Variants in SPAG17 observed in about 807,000 individuals in gnomAD.
SPAG17 encodes the protein sperm-associated antigen 17.
Under a neutral mutation model 273.6 loss-of-function variants are expected in SPAG17, and 169 were observed. The observed-to-expected ratio is 0.62, with a 90% CI of 0.55 to 0.70. The LOEUF (loss-of-function observed/expected upper bound fraction) is 0.70, where lower values mean the gene tolerates loss of function less well. Ranked by LOEUF, SPAG17 falls within the 30% of genes least tolerant of loss-of-function variation. The probability of loss-of-function intolerance (pLI) is 0.00; values close to 1 mark genes in which losing one functional copy is unlikely to be tolerated. For missense variants in SPAG17, 2,557 were observed against 2,627.8 expected, an observed-to-expected ratio of 0.97 and a Z score of 0.59; for synonymous variants, 825 against 873.2, an observed-to-expected ratio of 0.94 and a Z score of 0.97.
intron 29 of SPAG17, among the ~76,000 whole-genome samples, chr1:118,015,302 C>G (rs1659854849): frequency 1.3e-5 from 2 of 150,932 alleles, no homozygotes; most frequent in Non-Finnish European, 2.9e-5. Flanking sequence ...TCCTGGCACA[C>G]AGAAAGTGCT....
chr1:118,107,932 G>A (rs1656505885), intron 4 of SPAG17, among the ~76,000 whole-genome samples: 1 of 152,106 alleles, frequency 6.6e-6, no homozygotes, highest in Non-Finnish European at 1.5e-5. Flanking sequence ...TCTTCAGTTG[G>A]TAGAATATGT....
At chr1:118,180,032 G>A (rs1011722916) in intron 1 of SPAG17, among the ~76,000 whole-genome samples, 1 of 151,976 alleles carries the variant, frequency 6.6e-6, no homozygotes, top group Non-Finnish European at 1.5e-5. Context: ...AAAACTGTAG[G>A]GAGATTCCTC....
intron 3 of SPAG17, among the ~76,000 whole-genome samples, chr1:118,118,788 A>G (rs1329146451): frequency 6.6e-6 from 1 of 152,202 alleles, no homozygotes; most frequent in Non-Finnish European, 1.5e-5. Flanking sequence ...TTGTGTGAAG[A>G]TATTTAAGGG....
chr1:118,049,570 T>A (rs893246798), intron 20 of SPAG17, among the ~76,000 whole-genome samples: 9 of 152,070 alleles, frequency 5.9e-5, no homozygotes, highest in Admixed American at 5.2e-4. Flanking sequence ...AGGAAATGTA[T>A]CTCAACACAA....
At chr1:118,153,855 GA>G (rs1399058425) in intron 1 of SPAG17, among the ~76,000 whole-genome samples, 1 of 150,240 alleles carries the variant, frequency 6.7e-6, no homozygotes, top group African/African-American at 2.5e-5. Context: ...AAAGAAAAAA[GA>G]AAAAGAAAAA....
chr1:118,167,232 C>T (rs1660212740), intron 1 of SPAG17, among the ~76,000 whole-genome samples: 1 of 151,988 alleles, frequency 6.6e-6, no homozygotes, highest in African/African-American at 2.4e-5. Context: ...AGTGTTTTGC[C>T]GTTCAGCTCC....
chr1:118,047,062 T>TA (rs1389343625), intron 20 of SPAG17, among the ~76,000 whole-genome samples: 1 of 152,246 alleles, frequency 6.6e-6, no homozygotes, highest in African/African-American at 2.4e-5. Context: ...AGAAACACAC[T>TA]AAAAATATAG....
intron 28 of SPAG17, among the ~76,000 whole-genome samples, chr1:118,017,690 T>C (rs1042568130): frequency 6.6e-6 from 1 of 151,968 alleles, no homozygotes; most frequent in Admixed American, 6.6e-5. Context: ...GAAATTCAAG[T>C]TGGCAGAAGA....
chr1:118,029,418 G>A (rs1648165933), intron 25 of SPAG17, among the ~76,000 whole-genome samples: 1 of 152,078 alleles, frequency 6.6e-6, no homozygotes, highest in South Asian at 2.1e-4. Flanking sequence ...AAAAGTGTGT[G>A]AGAGACCAAC....
At chr1:118,136,795 G>GTGTA (rs1314012141) in intron 3 of SPAG17, among the ~76,000 whole-genome samples, 26 of 97,992 alleles carry the variant, frequency 2.7e-4, no homozygotes, top group African/African-American at 9.2e-4. Flanking sequence ...AAGTGTGTGT[G>GTGTA]TGTGTATGTG....
intron 3 of SPAG17, among the ~76,000 whole-genome samples, chr1:118,125,903 G>A (rs1657694046): frequency 6.6e-6 from 1 of 152,008 alleles, no homozygotes; most frequent in South Asian, 2.1e-4. Flanking sequence ...GGGGAATGGT[G>A]GATCATATAG....
At chr1:117,999,108 T>C (rs1048115514) in intron 32 of SPAG17, among the ~76,000 whole-genome samples, 3 of 152,092 alleles carry the variant, frequency 2.0e-5, no homozygotes, top group Non-Finnish European at 2.9e-5. Flanking sequence ...GTGACAGTTT[T>C]CTGAGAATGA....
At chr1:118,093,121 A>T in intron 8 of SPAG17, 35 bp downstream of exon 8, 2 of 1,577,654 alleles carry the variant, frequency 1.3e-6, no homozygotes, top group Non-Finnish European at 1.7e-6. Flanking sequence ...TCAGTGAATC[A>T]TTCATCCCAC....
rs1437427926 is a variant in SPAG17 at position 117,996,492 on chromosome 1, A to C, written c.4931T>G (p.Val1644Gly). Residue 1644 changes from valine (V) to glycine (G), a missense_variant, in exon 34 of 49, where the codon GTT becomes GGT. Coordinates refer to ENST00000336338, the MANE Select transcript of SPAG17 (RefSeq NM_206996.4). The stretch of plus-strand genomic sequence containing the variant: ...CATTCCTGATCCATCAGCATACATA[A>C]CAAAAAACCTATTTGAAGAAATAAA... ...IYGEHVPRFFVMYADGSGMEL... is the reference protein window; with the variant it reads ...IYGEHVPRFFGMYADGSGMEL... The C allele has an allele frequency of 6.2e-6, 10 of 1,610,790 alleles. No homozygotes were observed. The highest frequency in any genetic ancestry group is 7.6e-6 in the Non-Finnish European group (9 of 1,178,824).
At chr1:117,977,928 C>A (rs1230711525) in intron 43 of SPAG17, among the ~76,000 whole-genome samples, 1 of 152,140 alleles carries the variant, frequency 6.6e-6, no homozygotes, top group African/African-American at 2.4e-5. Flanking sequence ...ATGATCCATC[C>A]AACACCCTGT....
intron 18 of SPAG17, among the ~76,000 whole-genome samples, chr1:118,061,597 A>G (rs1652300776): frequency 6.6e-6 from 1 of 152,198 alleles, no homozygotes. Context: ...ACTTGAAGAT[A>G]TGTTAAAAGA....
chr1:118,085,979 A>G lies in SPAG17; in HGVS notation c.1705T>C (p.Trp569Arg), dbSNP rs758777914. 6 of 1,613,582 alleles carry G rather than the reference A, an allele frequency of 3.7e-6. No individual in the cohort carries two copies. The highest frequency in any genetic ancestry group is 5.1e-6 in the Non-Finnish European group (6 of 1,179,848). ...GTAGCTAGACGTTTAGTGTTGTTCC[A>G]TGGTGGGGGTAGAGGGAATTGAAGA... is the stretch of plus-strand genomic sequence containing the variant. ...EFLQFPLPPP[W>R]NNTKRLATIH... Residue 569 changes from tryptophan to arginine, a missense_variant, in exon 13 of 49, where the codon TGG becomes CGG. Transcript: ENST00000336338.
intron 3 of SPAG17, among the ~76,000 whole-genome samples, chr1:118,145,905 T>A (rs949673840): frequency 2.2e-4 from 34 of 152,186 alleles, no homozygotes; most frequent in African/African-American, 8.0e-4. Context: ...TCATTTTTTT[T>A]ATTTTTCATT....
At position 118,170,646 on chromosome 1, in the gene SPAG17, GTC is replaced by G. The variant is rs1269113451; in HGVS notation, c.87+14423_87+14424del. Reference sequence around the variant, plus strand: ...GCAAGCTTTTGACGTGGATATTATTGTCTCTATCTGACAAAAGGAGAATAAAT... The same window carrying G: ...GCAAGCTTTTGACGTGGATATTATTGTCTATCTGACAAAAGGAGAATAAAT... On this transcript the variant is annotated intron_variant, in intron 1 of 48. Coordinates refer to ENST00000336338, the MANE Select transcript of SPAG17 (RefSeq NM_206996.4). Among the ~76,000 whole-genome samples the G allele has an allele frequency of 3.3e-5, 5 of 152,136 alleles. No homozygotes were observed. In the East Asian group the frequency reaches 9.6e-4, roughly 29 times the overall value.
Sources: gnomAD v4.1 joint callset for allele counts (sites outside exome capture counted in the v4.1 genomes callset) on GRCh38, gnomAD v4.1.1 for gene constraint, MANE v1.5 for transcripts, NCBI Gene and HGNC (gene_info 2026-07-23, HGNC 2026-07-21) for gene names.